Variants in ACMSD observed in about 807,000 individuals in gnomAD.
The protein encoded by ACMSD is 2-amino-3-carboxymuconate-6-semialdehyde decarboxylase.
Under a neutral mutation model 45.9 loss-of-function variants are expected in ACMSD, and 37 were observed. The ratio of observed to expected loss-of-function variants is 0.81; its 90% CI spans 0.62 to 1.06. ACMSD has a LOEUF of 1.06. Ranked by LOEUF, ACMSD falls within the 50% of genes least tolerant of loss-of-function variation. ACMSD has a pLI of 0.00. For synonymous variants in ACMSD, 138 were observed against 148.8 expected (o/e 0.93, Z 0.53); for missense variants, 434 against 420.9 (o/e 1.03, Z -0.27).
At chr2:134,866,498 G>A (rs1688101464) in intron 5 of ACMSD, among the ~76,000 whole-genome samples, 1 of 152,136 alleles carries the variant, frequency 6.6e-6, no homozygotes, top group Non-Finnish European at 1.5e-5. Context: ...TATCTCTTCT[G>A]CTACCCAAGA....
chr2:134,863,073 C>G, intron 4 of ACMSD: 1 of 983,720 alleles, frequency 1.0e-6, no homozygotes, highest in Non-Finnish European at 1.2e-6. Flanking sequence ...GCATTAAGAT[C>G]TTTCTGCAGT....
intron 8 of ACMSD, among the ~76,000 whole-genome samples, chr2:134,895,350 A>ATATATATG: frequency 1.9e-5 from 1 of 51,990 alleles, no homozygotes; most frequent in Admixed American, 2.5e-4. Flanking sequence ...TATATATATA[A>ATATATATG]CATATATAAT....
intron 2 of ACMSD, among the ~76,000 whole-genome samples, chr2:134,851,624 G>A (rs1462620298): frequency 6.6e-6 from 1 of 152,122 alleles, no homozygotes; most frequent in African/African-American, 2.4e-5. Context: ...TGTATTTTTA[G>A]TAGAGACGGG....
chr2:134,852,702 A>C (rs1188594643), intron 2 of ACMSD, among the ~76,000 whole-genome samples: 1 of 152,124 alleles, frequency 6.6e-6, no homozygotes, highest in Non-Finnish European at 1.5e-5. Flanking sequence ...TGGGAGCTGC[A>C]GTGACTACAG....
chr2:134,890,509 T>A (rs1689715949), intron 8 of ACMSD, among the ~76,000 whole-genome samples: 1 of 152,026 alleles, frequency 6.6e-6, no homozygotes, highest in Non-Finnish European at 1.5e-5. Flanking sequence ...TAGCTATAAA[T>A]CACATTATGG....
intron 6 of ACMSD, among the ~76,000 whole-genome samples, chr2:134,870,582 A>C (rs992196127): frequency 6.6e-6 from 1 of 152,164 alleles, no homozygotes; most frequent in East Asian, 1.9e-4. Context: ...CATCTTACAG[A>C]TGAAATGTGG....
intron 2 of ACMSD, among the ~76,000 whole-genome samples, chr2:134,853,797 C>T (rs923837174): frequency 2.5e-4 from 38 of 152,052 alleles, no homozygotes; most frequent in Admixed American, 2.0e-3. Context: ...GACTTGCTAC[C>T]GTTCATTTTT....
At chr2:134,901,426 T>A (rs996853392) in intron 9 of ACMSD, among the ~76,000 whole-genome samples, 12 of 152,172 alleles carry the variant, frequency 7.9e-5, no homozygotes, top group Non-Finnish European at 1.5e-4. Flanking sequence ...GATGGCTAGA[T>A]GACTTTTGAG....
chr2:134,887,183 T>C (rs1038656730), intron 8 of ACMSD, among the ~76,000 whole-genome samples: 8 of 152,180 alleles, frequency 5.3e-5, no homozygotes, highest in African/African-American at 1.9e-4. Context: ...ATAGAGTCAA[T>C]GTAATCCAAG....
intron 8 of ACMSD, among the ~76,000 whole-genome samples, chr2:134,879,019 A>G (rs531799520): frequency 6.6e-6 from 1 of 152,232 alleles, no homozygotes; most frequent in Non-Finnish European, 1.5e-5. Context: ...TTTTGAGGTT[A>G]TAACAAAGAC....
chr2:134,866,770 TTC>T lies in ACMSD; in HGVS notation c.487-807_487-806del, dbSNP rs545592865. On this transcript the variant is annotated intron_variant, in intron 5 of 9. Transcript: ENST00000356140. ...AATATTCAATGCCTGTTGAGGAGACTTCTTTTAATTAAACTTTTTGTTGCATA... is the reference window on the plus strand; with the variant it reads ...AATATTCAATGCCTGTTGAGGAGACTTTTTAATTAAACTTTTTGTTGCATA... 4.6e-3 allele frequency among the ~76,000 whole-genome samples: 700 copies of T among 152,366 alleles called. 2 individuals carry two copies. Among genetic ancestry groups the T allele is most frequent in the Non-Finnish European group, 5.1e-3 (349 of 68,030 alleles).
intron 8 of ACMSD, among the ~76,000 whole-genome samples, chr2:134,880,101 C>A: frequency 6.6e-6 from 1 of 152,188 alleles, no homozygotes; most frequent in South Asian, 2.1e-4. Flanking sequence ...AATTGTTTGG[C>A]TAGGTAACAA....
intron 2 of ACMSD, among the ~76,000 whole-genome samples, chr2:134,846,190 A>G (rs1039751451): frequency 6.6e-6 from 1 of 152,202 alleles, no homozygotes; most frequent in Non-Finnish European, 1.5e-5. Flanking sequence ...GGCATGAAAT[A>G]TTAAACATAT....
chr2:134,897,805 G>A (rs1690249184), intron 8 of ACMSD, among the ~76,000 whole-genome samples: 1 of 151,236 alleles, frequency 6.6e-6, no homozygotes, highest in Non-Finnish European at 1.5e-5. Context: ...AAAAACTTAT[G>A]ATCCAGTTTA....
chr2:134,840,194 C>CAAAAAAAAAAAAAA lies in ACMSD; in HGVS notation c.57+1455_57+1456insAAAAAAAAAAAAAA, dbSNP rs1300580743. Reference sequence around the variant, plus strand: ...AAAAAAAAAAAAAAAAAAAAAAAAACCACTAATTCCTCTGTTACAGCTTTT... The same window carrying CAAAAAAAAAAAAAA: ...AAAAAAAAAAAAAAAAAAAAAAAAACAAAAAAAAAAAAAACACTAATTCCTCTGTTACAGCTTTT... On this transcript the variant is annotated intron_variant, in intron 1 of 9. Coordinates refer to ENST00000356140, the MANE Select transcript of ACMSD (RefSeq NM_138326.3). Among the ~76,000 whole-genome samples the CAAAAAAAAAAAAAA allele has an allele frequency of 5.3e-3, 367 of 68,754 alleles. 57 individuals are homozygous for CAAAAAAAAAAAAAA. Among genetic ancestry groups the CAAAAAAAAAAAAAA allele is most frequent in the East Asian group, 0.053 (112 of 2,114 alleles). The allele number at this position is 68,754 out of a possible 152,430, so 45.1% of individuals were successfully genotyped here.
intron 8 of ACMSD, among the ~76,000 whole-genome samples, chr2:134,888,285 A>G (rs1573713025): frequency 6.6e-6 from 1 of 152,216 alleles, no homozygotes; most frequent in South Asian, 2.1e-4. Flanking sequence ...CAACATCATT[A>G]GTTCATCAGA....
At chr2:134,877,733 T>C (rs1013331822) in intron 8 of ACMSD, 2 of 151,780 alleles carry the variant, frequency 1.3e-5, no homozygotes, top group African/African-American at 4.8e-5. Flanking sequence ...TAGAGAGAGA[T>C]TGAACACACA....
At position 134,898,322 on chromosome 2, in the gene ACMSD, T is replaced by C. The variant is rs1290480852; in HGVS notation, c.850-19T>C. 1.3e-6 allele frequency: 2 copies of C among 1,517,778 alleles called. No individual in the cohort carries two copies. Among genetic ancestry groups the C allele is most frequent in the Admixed American group, 2.1e-5 (1 of 48,270 alleles). The allele number at this position is 1,517,778 out of a possible 1,614,324, so 94.0% of individuals were successfully genotyped here. A position where few individuals can be genotyped will look rare whatever the true frequency, so the allele number is the denominator to read the frequency against. Reference sequence around the variant, plus strand: ...CATGTTTTACAAAACAACAGAGAAATATATATTTTGTTTTTTAGGATAAAG... The same window carrying C: ...CATGTTTTACAAAACAACAGAGAAACATATATTTTGTTTTTTAGGATAAAG... On this transcript the variant is annotated intron_variant, in intron 8 of 9. Coordinates refer to ENST00000356140, the MANE Select transcript of ACMSD (RefSeq NM_138326.3).
At chr2:134,852,449 C>G (rs1687388792) in intron 2 of ACMSD, among the ~76,000 whole-genome samples, 1 of 152,054 alleles carries the variant, frequency 6.6e-6, no homozygotes, top group African/African-American at 2.4e-5. Flanking sequence ...AGGCAATATT[C>G]TGGATAGAGA....
Sources: gnomAD v4.1 joint callset for allele counts (sites outside exome capture counted in the v4.1 genomes callset) on GRCh38, gnomAD v4.1.1 for gene constraint, MANE v1.5 for transcripts, NCBI Gene and HGNC (gene_info 2026-07-23, HGNC 2026-07-21) for gene names.